The following HS3ST4 variants were observed in gnomAD, a reference collection of about 807,000 sequenced individuals.
HS3ST4 encodes heparan sulfate-glucosamine 3-sulfotransferase 4, also known as heparan sulfate glucosamine 3-O-sulfotransferase 4.
A neutral mutation model predicts 29.2 loss-of-function variants in HS3ST4; 17 were observed. The observed-to-expected ratio is 0.58, with a 90% CI of 0.40 to 0.87. The LOEUF is 0.87. HS3ST4 is among the 40% of genes least tolerant of loss of function. HS3ST4 has a pLI of 0.00. For synonymous variants in HS3ST4, 314 were observed against 285.7 expected, an observed-to-expected ratio of 1.10 and a Z score of -1.00; for missense variants, 627 against 634.5, an observed-to-expected ratio of 0.99 and a Z score of 0.13.
At chr16:26,066,485 A>G (rs73516333) in intron 1 of HS3ST4, among the ~76,000 whole-genome samples, 3,021 of 152,268 alleles carry the variant, frequency 0.02, 117 homozygotes, top group African/African-American at 0.069. Context: ...AAAGGCGAAA[A>G]GTTTTAATCT....
In HS3ST4 at chr16:25,761,756, C is replaced by T. The variant is rs749809200; in HGVS notation, c.734+68605C>T. 6.6e-5 allele frequency among the ~76,000 whole-genome samples: 10 copies of T among 152,320 alleles called. No individual in the cohort carries two copies. The East Asian group carries it at 7.7e-4, about 12-fold the overall frequency. ...GCTCTGACACCTCTATTGTGCCCCA[C>T]GGGCATAATAATCATGATCTGATTA... is the stretch of plus-strand genomic sequence containing the variant. On this transcript the variant is annotated intron_variant, in intron 1 of 1. Coordinates refer to ENST00000331351, the MANE Select transcript of HS3ST4 (RefSeq NM_006040.3).
intron 1 of HS3ST4, among the ~76,000 whole-genome samples, chr16:25,745,787 T>C (rs376782694): frequency 6.6e-6 from 1 of 152,210 alleles, no homozygotes; most frequent in Non-Finnish European, 1.5e-5. Flanking sequence ...TGCATATCAT[T>C]AAAATTGGAA....
chr16:25,712,116 C>T (rs1012619923), intron 1 of HS3ST4, among the ~76,000 whole-genome samples: 3 of 152,012 alleles, frequency 2.0e-5, no homozygotes, highest in African/African-American at 7.3e-5. Context: ...AGTCATACCT[C>T]AATAAAGCTG....
chr16:25,758,397 T>C lies in HS3ST4; in HGVS notation c.734+65246T>C, dbSNP rs1966770002. Among the ~76,000 whole-genome samples, 3 of 152,216 alleles carry C rather than the reference T, an allele frequency of 2.0e-5. No homozygotes were observed. In the South Asian group the frequency reaches 6.2e-4, roughly 32 times the overall value. ...GCCATAGCTTTGTAGTTTTAACCCA[T>C]TGTCAGGACTGTTGAGCGTACCCCA... On this transcript the variant is annotated intron_variant, in intron 1 of 1. Coordinates refer to ENST00000331351, the MANE Select transcript of HS3ST4 (RefSeq NM_006040.3).
chr16:25,909,783 A>G (rs1228493395), intron 1 of HS3ST4, among the ~76,000 whole-genome samples: 2 of 152,242 alleles, frequency 1.3e-5, no homozygotes, highest in Non-Finnish European at 2.9e-5. Flanking sequence ...GCTTTATTTA[A>G]TGAGATCCCT....
chr16:25,728,435 A>G (rs964548490), intron 1 of HS3ST4, among the ~76,000 whole-genome samples: 2 of 152,234 alleles, frequency 1.3e-5, no homozygotes, highest in Non-Finnish European at 2.9e-5. Context: ...AAGAACATAT[A>G]ATACTTTTGC....
At chr16:25,743,754 C>A (rs1333672077) in intron 1 of HS3ST4, among the ~76,000 whole-genome samples, 1 of 152,176 alleles carries the variant, frequency 6.6e-6, no homozygotes, top group Admixed American at 6.5e-5. Context: ...GACCTGCCCA[C>A]CTCGGCCTCC....
intron 1 of HS3ST4, among the ~76,000 whole-genome samples, chr16:26,008,158 T>G (rs1304525264): frequency 6.6e-6 from 1 of 152,070 alleles, no homozygotes; most frequent in East Asian, 1.9e-4. Flanking sequence ...CAAAAGAGAG[T>G]GAAGTCTGAA....
chr16:26,102,254 T>C (rs907780032), intron 1 of HS3ST4, among the ~76,000 whole-genome samples: 6 of 29,178 alleles, frequency 2.1e-4, no homozygotes, highest in African/African-American at 2.9e-4. Context: ...ATCACAGCAA[T>C]GATTTTTTTT....
chr16:26,115,245 G>GTATATA (rs1555484845), intron 1 of HS3ST4, among the ~76,000 whole-genome samples: 15 of 149,120 alleles, frequency 1.0e-4, no homozygotes, highest in South Asian at 2.1e-4. Context: ...GTATGTGTGT[G>GTATATA]TATATATATA....
chr16:25,963,858 A>G (rs1344251766), intron 1 of HS3ST4, among the ~76,000 whole-genome samples: 1 of 152,158 alleles, frequency 6.6e-6, no homozygotes, highest in Non-Finnish European at 1.5e-5. Context: ...ATATAACAAA[A>G]TCAAAGCACA....
At chr16:25,881,841 G>A (rs918994810) in intron 1 of HS3ST4, among the ~76,000 whole-genome samples, 4 of 152,148 alleles carry the variant, frequency 2.6e-5, no homozygotes, top group Non-Finnish European at 5.9e-5. Context: ...CTCACACTGA[G>A]TGCAAGTCAC....
chr16:25,787,239 C>T (rs931622321), intron 1 of HS3ST4, among the ~76,000 whole-genome samples: 1 of 152,108 alleles, frequency 6.6e-6, no homozygotes, highest in African/African-American at 2.4e-5. Flanking sequence ...AAGAAAAATG[C>T]TGGTTATTTG....
chr16:25,882,005 C>T (rs4078111), intron 1 of HS3ST4, among the ~76,000 whole-genome samples: 9,551 of 152,208 alleles, frequency 0.063, 476 homozygotes, highest in African/African-American at 0.13. Context: ...TTGCTTTTGG[C>T]AGCTTCAGGT....
At chr16:25,712,762 A>G (rs74669848) in intron 1 of HS3ST4, among the ~76,000 whole-genome samples, 4,932 of 152,306 alleles carry the variant, frequency 0.032, 101 homozygotes, top group Middle Eastern at 0.068. Context: ...TTCATATGAG[A>G]AAAGAATCCC....
intron 1 of HS3ST4, among the ~76,000 whole-genome samples, chr16:25,783,164 A>G (rs1401315014): frequency 2.6e-5 from 4 of 152,120 alleles, no homozygotes; most frequent in Non-Finnish European, 5.9e-5. Context: ...ATGTCTGAAG[A>G]TGTCATTGTC....
At chr16:26,030,297 AC>A (rs1267604785) in intron 1 of HS3ST4, among the ~76,000 whole-genome samples, 1 of 152,146 alleles carries the variant, frequency 6.6e-6, no homozygotes, top group African/African-American at 2.4e-5. Flanking sequence ...AGTCTCAGCT[AC>A]TCTGGAGGCT....
chr16:25,846,713 C>T (rs1967470352), intron 1 of HS3ST4, among the ~76,000 whole-genome samples: 1 of 152,000 alleles, frequency 6.6e-6, no homozygotes, highest in African/African-American at 2.4e-5. Flanking sequence ...TCTAATATAG[C>T]CATAGTTTTG....
intron 1 of HS3ST4, among the ~76,000 whole-genome samples, chr16:25,828,247 T>C (rs940326702): frequency 5.4e-5 from 3 of 55,796 alleles, no homozygotes; most frequent in African/African-American, 7.5e-5. Flanking sequence ...TCTTTCTCTT[T>C]CTTTCTTTCT....
Sources: gnomAD v4.1 joint callset for allele counts (sites outside exome capture counted in the v4.1 genomes callset) on GRCh38, gnomAD v4.1.1 for gene constraint, MANE v1.5 for transcripts, NCBI Gene and HGNC (gene_info 2026-07-23, HGNC 2026-07-21) for gene names.